METTL8: variants seen among roughly 807,000 people sequenced by gnomAD.
METTL8 encodes the protein tRNA N(3)-cytidine methyltransferase METTL8, mitochondrial.
METTL8 carries 32 observed loss-of-function variants against 48.7 expected under a neutral mutation model. That is an observed-to-expected ratio of 0.66 (90% CI 0.50 to 0.88). The LOEUF (loss-of-function observed/expected upper bound fraction) is 0.88. Among genes scored for constraint, METTL8 ranks in the 40% least tolerant of loss-of-function variants. METTL8 has a pLI of 0.00. For synonymous variants in METTL8, 136 were observed against 157.1 expected (o/e 0.87, Z 1.01); for missense variants, 464 against 474.4 (o/e 0.98, Z 0.20).
intron 7 of METTL8, 168 bp from the exon 8 acceptor site, chr2:171,326,316 A>C: frequency 1.8e-6 from 1 of 545,220 alleles, no homozygotes; most frequent in South Asian, 2.9e-5. Flanking sequence ...AGAAGAAAAA[A>C]CCAAAACCAA....
At position 171,374,995 on chromosome 2, in the gene METTL8, C is replaced by T. The variant is rs1364123002; in HGVS notation, c.144-14482G>A. ...AGGTCTAAATCAGGGTGGGGGTGTT[C>T]GGTCTTTGTGGGCTTCACGAGATCG... is the stretch of plus-strand genomic sequence containing the variant. On this transcript the variant is annotated intron_variant, in intron 2 of 9. Coordinates refer to ENST00000375258, the MANE Select transcript of METTL8 (RefSeq NM_001321154.2). 3.7e-5 allele frequency: 38 copies of T among 1,034,156 alleles called. 1 individual carries two copies. Among genetic ancestry groups the T allele is most frequent in the Non-Finnish European group, 4.1e-5 (27 of 665,346 alleles). 64.1% of individuals were successfully genotyped at this position (1,034,156 alleles called of 1,614,324 possible).
chr2:171,422,107 T>A (rs1339440601), intron 1 of METTL8, among the ~76,000 whole-genome samples: 2 of 152,180 alleles, frequency 1.3e-5, no homozygotes, highest in Admixed American at 6.5e-5. Context: ...CTGCAGTGAA[T>A]AAGTGGTCAC....
chr2:171,400,638 A>G (rs189259105), intron 1 of METTL8, among the ~76,000 whole-genome samples: 5 of 152,318 alleles, frequency 3.3e-5, no homozygotes, highest in Non-Finnish European at 7.4e-5. Context: ...CTCAAGGTGC[A>G]GACAAAAGGC....
In METTL8 at chr2:171,331,786, T is replaced by C. The variant is rs1032296691; in HGVS notation, c.720+18A>G. On this transcript the variant is annotated intron_variant, in intron 6 of 9. Transcript: ENST00000375258. The stretch of plus-strand genomic sequence containing the variant: ...ATACCTTAGGCATCAGTTGGTATGA[T>C]TCCCAGGAGTAGCATACCTTTACGA... 19 of 1,588,020 alleles carry C rather than the reference T, an allele frequency of 1.2e-5. No individual in the cohort carries two copies. The highest frequency in any genetic ancestry group is 1.4e-5 in the Non-Finnish European group (16 of 1,161,782).
chr2:171,370,748 GC>G (rs1686245733), intron 2 of METTL8, among the ~76,000 whole-genome samples: 1 of 152,128 alleles, frequency 6.6e-6, no homozygotes, highest in African/African-American at 2.4e-5. Flanking sequence ...CCGAGATCAG[GC>G]CACTGCACTC....
chr2:171,413,801 C>T (rs1044888069), intron 1 of METTL8, among the ~76,000 whole-genome samples: 1 of 152,114 alleles, frequency 6.6e-6, no homozygotes, highest in Admixed American at 6.5e-5. Flanking sequence ...GTAAAATAAT[C>T]TTCTGTCATT....
intron 1 of METTL8, among the ~76,000 whole-genome samples, chr2:171,428,112 CACAG>C (rs1318222771): frequency 6.6e-6 from 1 of 152,062 alleles, no homozygotes; most frequent in Admixed American, 6.6e-5. Context: ...GTAAACATAA[CACAG>C]ACAAAGAATA....
rs936663068 is a variant in METTL8, at chr2:171,320,044, A to G, written c.*4128T>C. ...AATTAGAATTTCATGCAGTTATCAA[A>G]TATTTTAAACTAATACCCAAGCAGT... On this transcript the variant is annotated 3_prime_UTR_variant, in exon 10 of 10. Transcript: ENST00000375258. 2 of 152,184 alleles carry G rather than the reference A, an allele frequency of 1.3e-5. No individual in the cohort carries two copies. The highest frequency in any genetic ancestry group is 1.5e-5 in the Non-Finnish European group (1 of 68,028). The allele number at this position is 152,184 out of a possible 1,614,324, so 9.4% of individuals were successfully genotyped here. A position where few individuals can be genotyped will look rare whatever the true frequency, so the allele number is the denominator to read the frequency against.
intron 3 of METTL8, among the ~76,000 whole-genome samples, chr2:171,350,009 A>G (rs1683713840): frequency 6.6e-6 from 1 of 152,098 alleles, no homozygotes; most frequent in South Asian, 2.1e-4. Flanking sequence ...CATGTGCACA[A>G]CATGCAAGTT....
At chr2:171,388,601 G>A (rs1019221725) in intron 2 of METTL8, among the ~76,000 whole-genome samples, 9 of 152,130 alleles carry the variant, frequency 5.9e-5, no homozygotes, top group African/African-American at 2.2e-4. Flanking sequence ...GTCAGGCATT[G>A]TGCTATGTAC....
intron 5 of METTL8, 74 bp from the exon 6 acceptor site, chr2:171,331,941 A>G: frequency 9.1e-7 from 1 of 1,094,262 alleles, no homozygotes; most frequent in Non-Finnish European, 1.4e-6. Context: ...GTTGGAGTGT[A>G]GTAACGTGAC....
chr2:171,398,861 AT>A (rs889620207), intron 1 of METTL8, among the ~76,000 whole-genome samples: 16 of 152,202 alleles, frequency 1.1e-4, no homozygotes, highest in African/African-American at 3.4e-4. Context: ...AAAGTAAAAA[AT>A]AAATAGATAA....
intron 7 of METTL8, chr2:171,326,451 T>C: frequency 7.5e-6 from 2 of 266,846 alleles, no homozygotes; most frequent in Non-Finnish European, 1.4e-5. Flanking sequence ...AGATGTTTCC[T>C]GGTACTTACA....
chr2:171,335,662 T>C (rs1028497884), intron 5 of METTL8, among the ~76,000 whole-genome samples: 3 of 152,134 alleles, frequency 2.0e-5, no homozygotes, highest in Non-Finnish European at 2.9e-5. Context: ...TGACCTCAAG[T>C]GATCTGCCTG....
intron 1 of METTL8, among the ~76,000 whole-genome samples, chr2:171,392,523 ATTTTTTTTAAAGT>A (rs1041103562): frequency 6.6e-6 from 1 of 152,068 alleles, no homozygotes; most frequent in African/African-American, 2.4e-5. Flanking sequence ...CTAAAGACAG[ATTTTTTTTAAAGT>A]AATTTTATTT....
chr2:171,359,151 A>G (rs1363793666), intron 3 of METTL8, among the ~76,000 whole-genome samples: 1 of 145,670 alleles, frequency 6.9e-6, no homozygotes, highest in Non-Finnish European at 1.5e-5. Context: ...TATACTCCAG[A>G]CTGGGCAACA....
In METTL8 at chr2:171,324,045, T is replaced by C; in HGVS notation, c.*127A>G. ...CTTAAAATGCACAAAGGAGCTCACC[T>C]ATGACAAAACGGCAGGAAATACAAA... On this transcript the variant is annotated 3_prime_UTR_variant, in exon 10 of 10. Coordinates refer to ENST00000375258, the MANE Select transcript of METTL8 (RefSeq NM_001321154.2). 1.3e-6 allele frequency: 1 copy of C among 770,500 alleles called. No homozygotes were observed. The highest frequency in any genetic ancestry group is 2.0e-6 in the Non-Finnish European group (1 of 492,952). The allele number at this position is 770,500 out of a possible 1,614,324, so 47.7% of individuals were successfully genotyped here. A position where few individuals can be genotyped will look rare whatever the true frequency, so the allele number is the denominator to read the frequency against.
chr2:171,332,049 C>T (rs1460618616), intron 5 of METTL8, 182 bp from the exon 6 acceptor site: 2 of 496,798 alleles, frequency 4.0e-6, no homozygotes, highest in Non-Finnish European at 7.3e-6. Flanking sequence ...CCATGCCCAG[C>T]TAATTTTAGA....
rs544369205 is a variant in METTL8 at position 171,341,100 on chromosome 2, C to T, written c.236-1546G>A. On this transcript the variant is annotated intron_variant, in intron 3 of 9. Transcript: ENST00000375258. ...ATCCCAGCACTTTGGGAGGCCGAGG[C>T]GGGCGGATCACGAGGTCAGGAGTTC... Among the ~76,000 whole-genome samples the T allele has an allele frequency of 9.2e-5, 14 of 152,084 alleles. No individual in the cohort carries two copies. In the East Asian group the frequency reaches 1.4e-3, roughly 15 times the overall value.
Sources: allele counts gnomAD v4.1 joint callset (sites outside exome capture counted in the v4.1 genomes callset), GRCh38; gene constraint gnomAD v4.1.1; transcripts MANE v1.5; gene names NCBI Gene and HGNC (gene_info 2026-07-23, HGNC 2026-07-21).